Variants in PLA2G4C observed in about 807,000 individuals in gnomAD.
The protein encoded by PLA2G4C is cytosolic phospholipase A2 gamma.
In PLA2G4C, 64 loss-of-function variants were observed where a neutral mutation model predicts 73.8. The observed-to-expected ratio is 0.87, with a 90% CI of 0.71 to 1.07. PLA2G4C has a LOEUF of 1.07. Among genes scored for constraint, PLA2G4C ranks in the 50% least tolerant of loss-of-function variants. The pLI is 0.00. For synonymous variants in PLA2G4C, 254 were observed against 252.1 expected (o/e 1.01, Z -0.07); for missense variants, 622 against 665.4 (o/e 0.93, Z 0.72).
chr19:48,104,327 C>G (rs2032057890), intron 4 of PLA2G4C: 1 of 393,400 alleles, frequency 2.5e-6, no homozygotes, highest in African/African-American at 2.1e-5. Context: ...GCCAGTCGGT[C>G]AGAAGCACCA....
At chr19:48,057,477 C>CTTTT (rs1265460823) in intron 14 of PLA2G4C, among the ~76,000 whole-genome samples, 2 of 16,886 alleles carry the variant, frequency 1.2e-4, no homozygotes, top group African/African-American at 1.7e-4. Context: ...TCTTCTTCTT[C>CTTTT]TTCTTCTTTT....
At chr19:48,102,519 G>A (rs1208161496) in intron 4 of PLA2G4C, among the ~76,000 whole-genome samples, 1 of 151,998 alleles carries the variant, frequency 6.6e-6, no homozygotes, top group Non-Finnish European at 1.5e-5. Flanking sequence ...AGAAAAGAAA[G>A]AAAGAAAATT....
At chr19:48,061,747 GC>G in intron 14 of PLA2G4C, 1 of 472,902 alleles carries the variant, frequency 2.1e-6, no homozygotes, top group Non-Finnish European at 3.9e-6. Context: ...GGACGCAGAA[GC>G]GGGGAGAGTC....
chr19:48,090,059 TAAC>T lies in PLA2G4C; in HGVS notation c.763+302_763+304del, dbSNP rs1181994850. 13 of 336,156 alleles carry T rather than the reference TAAC, an allele frequency of 3.9e-5. No homozygotes were observed. The East Asian group carries it at 6.9e-4, about 18-fold the overall frequency. 20.8% of individuals were successfully genotyped at this position (336,156 alleles called of 1,614,324 possible). ...AATGAATTAACTCATCAAATATTCA[TAAC>T]TACTGTTATTATCACCCGCATGGCA... On this transcript the variant is annotated intron_variant, in intron 8 of 16. Transcript: ENST00000599921.
intron 16 of PLA2G4C, among the ~76,000 whole-genome samples, chr19:48,050,673 C>CTGTTTTTTTTTTTTTTTT (rs1967690364): frequency 1.3e-5 from 1 of 78,746 alleles, no homozygotes; most frequent in Non-Finnish European, 2.4e-5. Flanking sequence ...GAGTATGTGA[C>CTGTTTTTTTTTTTTTTTT]TTTTTTTTTT....
intron 9 of PLA2G4C, among the ~76,000 whole-genome samples, chr19:48,086,109 C>T (rs767242954): frequency 5.9e-5 from 9 of 152,174 alleles, no homozygotes; most frequent in Non-Finnish European, 1.3e-4. Context: ...GAAAAGCAAG[C>T]TGCAGACACG....
At chr19:48,076,793 G>C (rs1361512817) in intron 11 of PLA2G4C, among the ~76,000 whole-genome samples, 1 of 151,878 alleles carries the variant, frequency 6.6e-6, no homozygotes, top group Non-Finnish European at 1.5e-5. Flanking sequence ...GACGCAAACA[G>C]CTTGGATGCC....
At chr19:48,054,500 A>G (rs555244415) in intron 15 of PLA2G4C, among the ~76,000 whole-genome samples, 1 of 147,304 alleles carries the variant, frequency 6.8e-6, no homozygotes, top group African/African-American at 2.5e-5. Flanking sequence ...TATTTTTAGT[A>G]GAGATGGGGT....
At chr19:48,071,273 G>T (rs1445337889) in intron 12 of PLA2G4C, among the ~76,000 whole-genome samples, 6 of 148,756 alleles carry the variant, frequency 4.0e-5, no homozygotes, top group African/African-American at 1.5e-4. Flanking sequence ...AAAACTAAAT[G>T]TGGCCTGAGG....
Position 48,062,001 on chromosome 19 carries a change from GA to G in PLA2G4C, c.1253del (p.Phe418SerfsTer21). ...LSFDFSAGDP[F>X]ETIRATTDYC... The stretch of plus-strand genomic sequence containing the variant: ...CCCCAAAGCCCTTCTCGATTACCTC[GA>G]AAGGATCTCCGGCACTGAAGTCGAA... On this transcript the variant is annotated frameshift_variant, in exon 14 of 17. Coordinates refer to ENST00000599921, the MANE Select transcript of PLA2G4C (RefSeq NM_003706.3). LOFTEE classifies it high-confidence loss of function. 6.2e-7 allele frequency: 1 copy of G among 1,613,740 alleles called. No individual in the cohort carries two copies. The highest frequency in any genetic ancestry group is 8.5e-7 in the Non-Finnish European group (1 of 1,179,894).
intron 10 of PLA2G4C, among the ~76,000 whole-genome samples, chr19:48,079,661 G>A (rs1285732295): frequency 6.6e-6 from 1 of 152,170 alleles, no homozygotes; most frequent in Non-Finnish European, 1.5e-5. Context: ...AAAAGCAAAT[G>A]CAACAAAAAC....
chr19:48,067,804 G>A lies in PLA2G4C; in HGVS notation c.1089C>T (p.Phe363=), dbSNP rs1310078390. Residue 363 remains phenylalanine (F), a synonymous_variant, in exon 13 of 17, where the codon TTC becomes TTT. Transcript: ENST00000599921. ...SKWEWGTTHN[F]LYKHGGIRDK... ...GGGTCTTCTCACCGTGTTTGTACAG[G>A]AAGTTGTGAGTGGTCCCCCATTCCC... The A allele has an allele frequency of 6.2e-7, 1 of 1,608,982 alleles. No individual in the cohort carries two copies. Among genetic ancestry groups the A allele is most frequent in the Non-Finnish European group, 8.5e-7 (1 of 1,175,376 alleles).
chr19:48,102,138 G>T (rs1436039770), intron 4 of PLA2G4C, among the ~76,000 whole-genome samples: 2 of 151,882 alleles, frequency 1.3e-5, no homozygotes, highest in Admixed American at 6.6e-5. Flanking sequence ...GGATATATTG[G>T]GTTAAAGAAA....
intron 13 of PLA2G4C, 105 bp from the exon 14 acceptor site, chr19:48,062,257 T>C (rs2122483481): frequency 9.9e-7 from 1 of 1,014,304 alleles, no homozygotes; most frequent in Non-Finnish European, 1.4e-6. Context: ...GTTGTCAGTG[T>C]AGACAGCAGT....
In PLA2G4C at chr19:48,060,301, T is replaced by C. The variant is rs372288007; in HGVS notation, c.1257+1697A>G. Among the ~76,000 whole-genome samples the C allele has an allele frequency of 9.5e-4, 144 of 152,214 alleles. 3 individuals carry two copies. The South Asian group carries it at 0.029, about 30-fold the overall frequency. On this transcript the variant is annotated intron_variant, in intron 14 of 16. Coordinates refer to ENST00000599921, the MANE Select transcript of PLA2G4C (RefSeq NM_003706.3). Reference sequence around the variant, plus strand: ...CATTTTCCATACTCGGTCATTAAAATCCGAGGTGTATTTTATCTTCATAGC... The same window carrying C: ...CATTTTCCATACTCGGTCATTAAAACCCGAGGTGTATTTTATCTTCATAGC...
At chr19:48,054,236 G>A (rs1275292342) in intron 15 of PLA2G4C, among the ~76,000 whole-genome samples, 1 of 152,168 alleles carries the variant, frequency 6.6e-6, no homozygotes, top group African/African-American at 2.4e-5. Context: ...GGTAATTGAA[G>A]CATGGAAGTG....
chr19:48,085,146 C>G (rs1344957046), intron 9 of PLA2G4C, 34 bp from the exon 10 acceptor site: 1 of 1,481,870 alleles, frequency 6.7e-7, no homozygotes, highest in South Asian at 1.1e-5. Context: ...TTCAAACATT[C>G]TCCATCACAT....
At chr19:48,086,464 G>A (rs1376620070) in intron 9 of PLA2G4C, among the ~76,000 whole-genome samples, 1 of 151,662 alleles carries the variant, frequency 6.6e-6, no homozygotes, top group Non-Finnish European at 1.5e-5. Flanking sequence ...GCTGCTGCTT[G>A]CCCTGCACAG....
chr19:48,093,808 A>G (rs1277530648), intron 7 of PLA2G4C, among the ~76,000 whole-genome samples: 4 of 152,216 alleles, frequency 2.6e-5, no homozygotes, highest in Non-Finnish European at 5.9e-5. Context: ...TAATCAGATC[A>G]TGGGGGCAGA....
Sources: gnomAD v4.1 joint callset for allele counts (sites outside exome capture counted in the v4.1 genomes callset) on GRCh38, gnomAD v4.1.1 for gene constraint, MANE v1.5 for transcripts, NCBI Gene and HGNC (gene_info 2026-07-23, HGNC 2026-07-21) for gene names.